Variants in OXR1 observed in about 807,000 individuals in gnomAD.
OXR1 encodes oxidation resistance protein 1.
In OXR1, 41 loss-of-function variants were observed where a neutral mutation model predicts 104.6. The ratio of observed to expected loss-of-function variants is 0.39; its 90% CI spans 0.31 to 0.51. OXR1 has a LOEUF of 0.51. Ranked by LOEUF, OXR1 falls within the 20% of genes least tolerant of loss-of-function variation. The probability of loss-of-function intolerance (pLI) is 0.77; values close to 1 mark genes in which losing one functional copy is unlikely to be tolerated. For missense variants in OXR1, 955 were observed against 1,031.9 expected, an observed-to-expected ratio of 0.93 and a Z score of 1.02; for synonymous variants, 348 against 348.4, an observed-to-expected ratio of 1.00 and a Z score of 0.01.
In OXR1 at chr8:106,525,965, C is replaced by G. The variant is rs192178296; in HGVS notation, c.220+6826C>G. ...TAAATAAATATGTATTGAATGCCTA[C>G]TATGTTCCAGGCTGTGTTCAAAGTC... On this transcript the variant is annotated intron_variant, in intron 3 of 16. Transcript: ENST00000517566. Among the ~76,000 whole-genome samples the G allele has an allele frequency of 1.8e-3, 279 of 152,276 alleles. 1 individual carries two copies. Among genetic ancestry groups the G allele is most frequent in the African/African-American group, 6.3e-3 (260 of 41,538 alleles).
intron 1 of OXR1, among the ~76,000 whole-genome samples, chr8:106,345,960 T>G (rs996366920): frequency 3.9e-5 from 6 of 152,060 alleles, no homozygotes; most frequent in African/African-American, 1.4e-4. Context: ...ATTTGATCAT[T>G]CGGTAAAAAG....
At position 106,480,317 on chromosome 8, in the gene OXR1, A is replaced by G. The variant is rs568041468; in HGVS notation, c.24-38626A>G. Reference sequence around the variant, plus strand: ...TATCTTGCTTCTAAAATTCAAACCTATTATAGCCATTTCATTTTCTGCATT... The same window carrying G: ...TATCTTGCTTCTAAAATTCAAACCTGTTATAGCCATTTCATTTTCTGCATT... On this transcript the variant is annotated intron_variant, in intron 2 of 16. Coordinates refer to ENST00000517566, the MANE Select transcript of OXR1 (RefSeq NM_001198533.2). 2.0e-5 allele frequency among the ~76,000 whole-genome samples: 3 copies of G among 152,066 alleles called. No homozygotes were observed. The South Asian group carries it at 6.2e-4, about 32-fold the overall frequency.
chr8:106,426,009 G>A (rs760992547), intron 2 of OXR1, among the ~76,000 whole-genome samples: 4 of 152,152 alleles, frequency 2.6e-5, no homozygotes, highest in Non-Finnish European at 5.9e-5. Context: ...TGAAGTCAGA[G>A]ACAAAGTCAA....
At chr8:106,686,591 A>T (rs1828751110) in intron 6 of OXR1, among the ~76,000 whole-genome samples, 1 of 152,178 alleles carries the variant, frequency 6.6e-6, no homozygotes, top group African/African-American at 2.4e-5. Flanking sequence ...ATGTTTTATT[A>T]GATATAGTTT....
intron 2 of OXR1, among the ~76,000 whole-genome samples, chr8:106,471,707 T>A (rs1196066401): frequency 6.6e-6 from 1 of 151,856 alleles, no homozygotes. Context: ...AGAGATTTTT[T>A]TAAAATTTGC....
intron 1 of OXR1, among the ~76,000 whole-genome samples, chr8:106,320,846 A>AT (rs1342652280): frequency 2.0e-5 from 3 of 151,704 alleles, no homozygotes; most frequent in African/African-American, 7.3e-5. Flanking sequence ...TAATTTTTGT[A>AT]TTTTTTGTTG....
At chr8:106,697,723 A>G (rs563247957) in intron 7 of OXR1, 4 of 1,614,034 alleles carry the variant, frequency 2.5e-6, no homozygotes, top group East Asian at 2.2e-5. Flanking sequence ...AGCTGCTTGC[A>G]GGAACTGAGA....
At chr8:106,583,815 G>A (rs972992562) in intron 3 of OXR1, among the ~76,000 whole-genome samples, 1 of 152,166 alleles carries the variant, frequency 6.6e-6, no homozygotes, top group Non-Finnish European at 1.5e-5. Flanking sequence ...AAGACTTAAC[G>A]TTACTGACAT....
chr8:106,554,689 C>G (rs969502282), intron 3 of OXR1, among the ~76,000 whole-genome samples: 48 of 151,994 alleles, frequency 3.2e-4, no homozygotes, highest in African/African-American at 1.1e-3. Context: ...TTATGTCACC[C>G]CCAGATGTGA....
rs1035665506 is a variant in OXR1 at position 106,433,082 on chromosome 8, G to A, written c.23+73446G>A. Among the ~76,000 whole-genome samples the A allele has an allele frequency of 3.0e-4, 45 of 152,156 alleles. 1 individual carries two copies. Among genetic ancestry groups the A allele is most frequent in the Non-Finnish European group, 1.2e-4 (8 of 68,028 alleles). Reference sequence around the variant, plus strand: ...GTAATTCACTCAGAGCTGGCTGTGCGCGAGACCGGAGTTTTATTATTGCTC... The same window carrying A: ...GTAATTCACTCAGAGCTGGCTGTGCACGAGACCGGAGTTTTATTATTGCTC... On this transcript the variant is annotated intron_variant, in intron 2 of 16. Transcript: ENST00000517566.
chr8:106,276,823 G>C (rs997293466), intron 1 of OXR1, among the ~76,000 whole-genome samples: 1 of 145,782 alleles, frequency 6.9e-6, no homozygotes, highest in East Asian at 2.1e-4. Context: ...CACCTAAATT[G>C]TCAAAAAGAT....
intron 3 of OXR1, among the ~76,000 whole-genome samples, chr8:106,606,766 G>A (rs550054870): frequency 6.6e-6 from 1 of 152,070 alleles, no homozygotes; most frequent in Admixed American, 6.5e-5. Context: ...ATTTCTCTTT[G>A]CCAAGTAAGG....
At chr8:106,593,376 G>A (rs1819255637) in intron 3 of OXR1, among the ~76,000 whole-genome samples, 1 of 152,208 alleles carries the variant, frequency 6.6e-6, no homozygotes, top group African/African-American at 2.4e-5. Flanking sequence ...ATATAAAATA[G>A]TGGATCCAGA....
rs1820106750 is a variant in OXR1, at chr8:106,448,175, G to A, written c.24-70768G>A. On this transcript the variant is annotated intron_variant, in intron 2 of 16. Transcript: ENST00000517566. The stretch of plus-strand genomic sequence containing the variant: ...TGAGAAATCAAATCTTTGTGTTTAT[G>A]GGACCAAACAGATGGATTTCTGTTG... The A allele has an allele frequency of 1.5e-5, 17 of 1,142,422 alleles. No homozygotes were observed. The South Asian group carries it at 2.3e-4, about 16-fold the overall frequency. 70.8% of individuals were successfully genotyped at this position (1,142,422 alleles called of 1,614,324 possible).
intron 1 of OXR1, among the ~76,000 whole-genome samples, chr8:106,347,495 A>G (rs922560036): frequency 2.6e-5 from 4 of 152,216 alleles, no homozygotes; most frequent in African/African-American, 9.6e-5. Flanking sequence ...AATAACTTAT[A>G]TAACCTTTAT....
intron 11 of OXR1, among the ~76,000 whole-genome samples, chr8:106,736,989 A>G (rs995577207): frequency 6.6e-6 from 1 of 152,174 alleles, no homozygotes; most frequent in Admixed American, 6.5e-5. Context: ...CATAGGTTTT[A>G]AAATGTACTT....
intron 2 of OXR1, among the ~76,000 whole-genome samples, chr8:106,360,440 T>C (rs1419892396): frequency 6.6e-6 from 1 of 152,196 alleles, no homozygotes; most frequent in African/African-American, 2.4e-5. Context: ...GAAATGTAGA[T>C]AGCATCAGAT....
At chr8:106,503,629 G>T (rs545473564) in intron 2 of OXR1, among the ~76,000 whole-genome samples, 3 of 152,278 alleles carry the variant, frequency 2.0e-5, no homozygotes, top group Non-Finnish European at 2.9e-5. Flanking sequence ...AGTCAAATAC[G>T]AGAAATGAAA....
At position 106,271,479 on chromosome 8, in the gene OXR1, G is replaced by A. The variant is rs889492046; in HGVS notation, c.-139+1112G>A. Among the ~76,000 whole-genome samples the A allele has an allele frequency of 2.6e-5, 4 of 152,170 alleles. No individual in the cohort carries two copies. In the East Asian group the frequency reaches 7.8e-4, roughly 30 times the overall value. ...AGGAATTCGTGGTCTGGCCCCAGAG[G>A]TGCGGTGTTTTTGGCCGGGAAGTCA... On this transcript the variant is annotated intron_variant, in intron 1 of 16. Transcript: ENST00000517566.
Sources: allele counts gnomAD v4.1 joint callset (sites outside exome capture counted in the v4.1 genomes callset), GRCh38; gene constraint gnomAD v4.1.1; transcripts MANE v1.5; gene names NCBI Gene and HGNC (gene_info 2026-07-23, HGNC 2026-07-21).